TOGARAM2: variants seen among roughly 807,000 people sequenced by gnomAD.
TOGARAM2 encodes the protein TOG array regulator of axonemal microtubules protein 2.
A neutral mutation model predicts 93.3 loss-of-function variants in TOGARAM2; 85 were observed. The observed-to-expected ratio is 0.91, with a 90% CI of 0.76 to 1.09. The LOEUF (loss-of-function observed/expected upper bound fraction) is 1.09. Among genes scored for constraint, TOGARAM2 ranks in the 50% least tolerant of loss-of-function variants. The probability of loss-of-function intolerance (pLI) is 0.00; values close to 1 mark genes in which losing one functional copy is unlikely to be tolerated. For synonymous variants in TOGARAM2, 593 were observed against 552.8 expected, an observed-to-expected ratio of 1.07 and a Z score of -1.02; for missense variants, 1,277 against 1,334.5, an observed-to-expected ratio of 0.96 and a Z score of 0.67.
intron 9 of TOGARAM2, 82 bp downstream of exon 9, chr2:29,017,386 C>T (rs1332338693): frequency 7.6e-7 from 1 of 1,316,000 alleles, no homozygotes; most frequent in African/African-American, 1.5e-5. Flanking sequence ...GGCCCATTTT[C>T]TTTTTTAAAA....
intron 19 of TOGARAM2, 160 bp from the exon 20 acceptor site, chr2:29,051,596 G>A: frequency 1.8e-6 from 1 of 551,752 alleles, no homozygotes; most frequent in South Asian, 3.2e-5. Flanking sequence ...GTTAAAAGAA[G>A]CTAACACATT....
intron 1 of TOGARAM2, among the ~76,000 whole-genome samples, chr2:28,985,355 A>AT (rs989016871): frequency 2.0e-5 from 3 of 149,008 alleles, no homozygotes; most frequent in African/African-American, 7.4e-5. Flanking sequence ...TTTGCTTTTC[A>AT]TTTTTTTGTT....
In TOGARAM2 at chr2:28,975,073, AT is replaced by A. The variant is rs891174957; in HGVS notation, c.-147+18386del. On this transcript the variant is annotated intron_variant, in intron 1 of 6. Transcript: ENST00000401723. The stretch of plus-strand genomic sequence containing the variant: ...TTTATATTGTATTTTTCTTTCTTAA[AT>A]TTTTTTTTTCCCTTTACTCCTGTGA... Among the ~76,000 whole-genome samples the A allele has an allele frequency of 2.4e-3, 346 of 141,774 alleles. 1 individual carries two copies. The highest frequency in any genetic ancestry group is 6.0e-3 in the African/African-American group (232 of 38,430). The allele number at this position is 141,774 out of a possible 152,430, so 93.0% of individuals were successfully genotyped here.
chr2:28,977,728 G>T (rs1672057878), upstream of TOGARAM2, among the ~76,000 whole-genome samples: 1 of 152,160 alleles, frequency 6.6e-6, no homozygotes, highest in South Asian at 2.1e-4. Flanking sequence ...GTGGCTGGCT[G>T]GTGGGCCAGG....
upstream of TOGARAM2, among the ~76,000 whole-genome samples, chr2:28,977,245 C>T (rs940776548): frequency 6.6e-6 from 1 of 152,188 alleles, no homozygotes; most frequent in Non-Finnish European, 1.5e-5. Flanking sequence ...TGCCTGGAAC[C>T]CTTGGCCATG....
At chr2:29,017,048 C>T in intron 8 of TOGARAM2, 106 bp from the exon 9 acceptor site, 1 of 1,417,356 alleles carries the variant, frequency 7.1e-7, no homozygotes, top group South Asian at 1.4e-5. Flanking sequence ...CTTTTTTGTT[C>T]ACTTCCAGGA....
intron 7 of TOGARAM2, among the ~76,000 whole-genome samples, chr2:29,014,163 C>G (rs1664413391): frequency 2.0e-5 from 3 of 152,222 alleles, no homozygotes; most frequent in Admixed American, 2.0e-4. Flanking sequence ...CCACACCTAT[C>G]TTGGAATAAA....
intron 6 of TOGARAM2, among the ~76,000 whole-genome samples, chr2:29,006,073 G>T (rs1663777075): frequency 9.5e-6 from 1 of 105,368 alleles, no homozygotes; most frequent in South Asian, 3.4e-4. Context: ...GTGTATGTGT[G>T]AGAGCACGTG....
intron 18 of TOGARAM2, among the ~76,000 whole-genome samples, chr2:29,044,162 G>A (rs1416959443): frequency 6.6e-6 from 1 of 152,244 alleles, no homozygotes. Context: ...GCTGGGTGTG[G>A]CTGGATGGTT....
intron 1 of TOGARAM2, among the ~76,000 whole-genome samples, chr2:28,967,318 T>C (rs1671880863): frequency 6.6e-6 from 1 of 150,666 alleles, no homozygotes; most frequent in South Asian, 2.1e-4. Context: ...CTACAAATAA[T>C]AAAAAAAATA....
chr2:29,017,844 C>A lies in TOGARAM2; in HGVS notation c.1248C>A (p.Ser416Arg). ...SGTLSVPTRL[S>R]GPCRNDVSII... ...CACTGTCTGTGCCCACTAGGCTGAG[C>A]GGCCCATGCAGAAACGACGTCAGCA... The change falls in exon 10 of 20, where the codon AGC (serine) becomes AGA (arginine). Residue 416 changes from serine to arginine, a missense_variant. Coordinates refer to ENST00000379558, the MANE Select transcript of TOGARAM2 (RefSeq NM_199280.4). 1 of 1,613,240 alleles carries A rather than the reference C, an allele frequency of 6.2e-7. No individual in the cohort carries two copies. Among genetic ancestry groups the A allele is most frequent in the Non-Finnish European group, 8.5e-7 (1 of 1,179,564 alleles).
At chr2:28,997,881 G>C (rs1418420905) in intron 2 of TOGARAM2, among the ~76,000 whole-genome samples, 1 of 152,150 alleles carries the variant, frequency 6.6e-6, no homozygotes, top group East Asian at 1.9e-4. Flanking sequence ...TTGGAACAAA[G>C]CCAGGATGCG....
intron 13 of TOGARAM2, 50 bp downstream of exon 13, chr2:29,024,424 G>A (rs376450424): frequency 2.7e-5 from 36 of 1,312,984 alleles, no homozygotes; most frequent in Non-Finnish European, 3.5e-5. Context: ...GGAAGGTAAG[G>A]CAAGGGGAGA....
chr2:28,999,294 C>A lies in TOGARAM2; in HGVS notation c.253C>A (p.Gln85Lys), dbSNP rs1286722691. The A allele has an allele frequency of 1.2e-6, 2 of 1,613,762 alleles. No individual in the cohort carries two copies. The highest frequency in any genetic ancestry group is 2.7e-5 in the African/African-American group (2 of 74,940). ...GCTGGACACCCCTTCCAAGGGCTGG[C>A]AGGCAAGGAATGGTCACCCCAGGAA... ...LKLDTPSKGWQARNGHPRNLR... is the reference protein window; with the variant it reads ...LKLDTPSKGWKARNGHPRNLR... The change falls in exon 4 of 20, where the codon CAG becomes AAG. Residue 85 changes from glutamine (Q) to lysine (K), a missense_variant. Gln to Lys is a moderately conservative substitution (Grantham distance 53). Transcript: ENST00000379558.
chr2:29,023,064 A>G (rs1265729697), intron 11 of TOGARAM2, 22 bp from the exon 12 acceptor site: 6 of 1,567,594 alleles, frequency 3.8e-6, no homozygotes, highest in Non-Finnish European at 5.2e-6. Flanking sequence ...CTTCTGCAAC[A>G]GGGCCTGGCC....
At chr2:28,998,305 G>T in intron 3 of TOGARAM2, 52 bp downstream of exon 3, 1 of 1,342,100 alleles carries the variant, frequency 7.5e-7, no homozygotes, top group East Asian at 2.5e-5. Context: ...ATCCTGGAGC[G>T]GGGAGTGAGT....
rs776053932 is a variant in TOGARAM2 at position 29,014,472 on chromosome 2, G to A, written c.955G>A (p.Ala319Thr). The A allele has an allele frequency of 1.8e-5, 29 of 1,599,348 alleles. No homozygotes were observed. The highest frequency in any genetic ancestry group is 1.6e-4 in the Middle Eastern group (1 of 6,062). The change falls in exon 8 of 20, where the codon GCT becomes ACT. Residue 319 changes from alanine to threonine, a missense_variant. Physicochemically the swap from Ala to Thr is moderately conservative, Grantham distance 58 (BLOSUM62 0). Coordinates refer to ENST00000379558, the MANE Select transcript of TOGARAM2 (RefSeq NM_199280.4). The part of the protein sequence containing the change: ...KKPALPFSQS[A>T]PTLTAFSFDC... ...GCCTGCCCTGCCTTTTTCTCAGTCT[G>A]CTCCCACGCTGACAGCCTTCTCCTT...
chr2:29,034,847 C>G (rs938684207), intron 16 of TOGARAM2, among the ~76,000 whole-genome samples: 12 of 152,134 alleles, frequency 7.9e-5, no homozygotes, highest in African/African-American at 2.9e-4. Context: ...TTTCCCCACT[C>G]TTACATTAAA....
rs376372273 is a variant in TOGARAM2 at position 29,023,243 on chromosome 2, G to A, written c.1617+52G>A. On this transcript the variant is annotated intron_variant, in intron 12 of 19. Transcript: ENST00000379558. ...GCATTTGGCCCCACTGCAGCTGCTGGATGCAGTCCGCTAGCAGCTGTGGAG... is the reference window on the plus strand; with the variant it reads ...GCATTTGGCCCCACTGCAGCTGCTGAATGCAGTCCGCTAGCAGCTGTGGAG... 139 of 1,439,150 alleles carry A rather than the reference G, an allele frequency of 9.7e-5. No homozygotes were observed. The African/African-American group carries it at 1.1e-3, about 11-fold the overall frequency. 89.1% of individuals were successfully genotyped at this position (1,439,150 alleles called of 1,614,324 possible).
Sources: allele counts gnomAD v4.1 joint callset (sites outside exome capture counted in the v4.1 genomes callset), GRCh38; gene constraint gnomAD v4.1.1; transcripts MANE v1.5; gene names NCBI Gene and HGNC (gene_info 2026-07-23, HGNC 2026-07-21).